The following CTTNBP2 variants were observed in gnomAD, a reference collection of about 807,000 sequenced individuals.
CTTNBP2 encodes cortactin-binding protein 2.
Under a neutral mutation model 156.9 loss-of-function variants are expected in CTTNBP2, and 108 were observed. The observed-to-expected ratio is 0.69, with a 90% CI of 0.59 to 0.81. The LOEUF (loss-of-function observed/expected upper bound fraction) is 0.81, where lower values mean the gene tolerates loss of function less well. Among genes scored for constraint, CTTNBP2 ranks in the 30% least tolerant of loss-of-function variants. The pLI, the probability that CTTNBP2 is intolerant of heterozygous loss-of-function variation, is 0.00. For missense variants in CTTNBP2, 1,924 were observed against 2,035.4 expected (o/e 0.95, Z 1.05); for synonymous variants, 767 against 751.8 (o/e 1.02, Z -0.33).
intron 4 of CTTNBP2, among the ~76,000 whole-genome samples, chr7:117,788,000 G>A (rs1798795841): frequency 6.6e-6 from 1 of 152,054 alleles, no homozygotes; most frequent in Admixed American, 6.5e-5. Context: ...TTTGAGACAT[G>A]GTCTCACCGT....
At chr7:117,795,149 G>A (rs1261546749) in intron 3 of CTTNBP2, among the ~76,000 whole-genome samples, 1 of 111,564 alleles carries the variant, frequency 9.0e-6, no homozygotes, top group African/African-American at 3.5e-5. Flanking sequence ...ACCCGCCTCG[G>A]CCTCCCAAAG....
At chr7:117,740,519 C>T (rs1457815058) in intron 14 of CTTNBP2, among the ~76,000 whole-genome samples, 3 of 152,120 alleles carry the variant, frequency 2.0e-5, no homozygotes, top group South Asian at 2.1e-4. Context: ...ATCAGGAGTA[C>T]GTGTAGAATA....
At chr7:117,856,606 T>G (rs1803336120) in intron 2 of CTTNBP2, among the ~76,000 whole-genome samples, 1 of 152,164 alleles carries the variant, frequency 6.6e-6, no homozygotes, top group Admixed American at 6.5e-5. Flanking sequence ...AAATAATAAT[T>G]TAAAGTCTAG....
intron 2 of CTTNBP2, among the ~76,000 whole-genome samples, chr7:117,839,257 A>G (rs1802137822): frequency 6.6e-6 from 1 of 152,192 alleles, no homozygotes; most frequent in Non-Finnish European, 1.5e-5. Flanking sequence ...TTATATATGT[A>G]GTCTCATTGA....
At chr7:117,863,046 T>G in intron 1 of CTTNBP2, among the ~76,000 whole-genome samples, 1 of 152,302 alleles carries the variant, frequency 6.6e-6, no homozygotes, top group East Asian at 1.9e-4. Context: ...CACAAAAGTA[T>G]ACATAGCAAA....
intron 9 of CTTNBP2, 50 bp downstream of exon 9, chr7:117,767,009 C>T: frequency 6.9e-6 from 7 of 1,013,904 alleles, no homozygotes; most frequent in Non-Finnish European, 1.1e-5. Context: ...GTACCAGAGG[C>T]CCCAGCAGCA....
intron 8 of CTTNBP2, among the ~76,000 whole-genome samples, chr7:117,772,681 G>A (rs1351530561): frequency 6.6e-6 from 1 of 152,196 alleles, no homozygotes; most frequent in Non-Finnish European, 1.5e-5. Context: ...CACCTGCCTA[G>A]ACAGACTCAG....
Position 117,756,536 on chromosome 7 carries a change from C to T in CTTNBP2, c.3348+19G>A, listed in dbSNP as rs1796893525. On this transcript the variant is annotated intron_variant, in intron 12 of 22. Transcript: ENST00000160373. ...CAGGGATGGAAAACACAGGTCTCCA[C>T]CCAGCAGTGTCCACCTACCAGCCTG... The T allele has an allele frequency of 6.3e-7, 1 of 1,592,748 alleles. No individual in the cohort carries two copies. The highest frequency in any genetic ancestry group is 8.6e-7 in the Non-Finnish European group (1 of 1,160,682).
In CTTNBP2 at chr7:117,873,386, G is replaced by A. The variant is rs761555549; in HGVS notation, c.30C>T (p.Pro10=). The A allele has an allele frequency of 1.3e-6, 2 of 1,488,646 alleles. No homozygotes were observed. Among genetic ancestry groups the A allele is most frequent in the South Asian group, 2.6e-5 (2 of 77,692 alleles). The allele number at this position is 1,488,646 out of a possible 1,614,324, so 92.2% of individuals were successfully genotyped here. A position where few individuals can be genotyped will look rare whatever the true frequency, so the allele number is the denominator to read the frequency against. MATDGASCE[P]DLSRAPEDAA... is the part of the protein sequence containing the mutation. ...CGTCCTCCGGGGCCCGGGACAAGTC[G>A]GGCTCGCAGCTCGCGCCGTCCGTCG... is the stretch of plus-strand genomic sequence containing the variant. The change falls in exon 1 of 23, where the codon CCC becomes CCT. Residue 10 remains proline, a synonymous_variant. Coordinates refer to ENST00000160373, the MANE Select transcript of CTTNBP2 (RefSeq NM_033427.3).
In CTTNBP2 at chr7:117,724,604, T is replaced by C. The variant is rs1271638498; in HGVS notation, c.4390A>G (p.Arg1464Gly). Residue 1464 changes from arginine (R) to glycine (G), a missense_variant, in exon 19 of 23, where the codon AGG becomes GGG. Transcript: ENST00000160373. The part of the protein sequence containing the change: ...AWRKVNTSPR[R>G]KSGRFSLPTW... ...GGTAAAGAGAAGCGGCCAGACTTCC[T>C]GCGAGGACTGGTGTTCACCTTTCTC... 1.2e-6 allele frequency: 2 copies of C among 1,614,048 alleles called. No individual in the cohort carries two copies. Among genetic ancestry groups the C allele is most frequent in the African/African-American group, 1.3e-5 (1 of 74,938 alleles).
In CTTNBP2 at chr7:117,724,686, TA is replaced by T; in HGVS notation, c.4307del (p.Leu1436TyrfsTer3). ...TADFKGGSFP[L>X]SIVSSYNTCN... ...AAGTGTTATAACTGGAAACTATGGA[TA>T]AAGGGAAACTTCCTCCTTTGAAATC... is the stretch of plus-strand genomic sequence containing the variant. On this transcript the variant is annotated frameshift_variant, in exon 19 of 23. Coordinates refer to ENST00000160373, the MANE Select transcript of CTTNBP2 (RefSeq NM_033427.3). LOFTEE classifies it high-confidence loss of function. 2 of 1,614,224 alleles carry T rather than the reference TA, an allele frequency of 1.2e-6. No individual in the cohort carries two copies. Among genetic ancestry groups the T allele is most frequent in the Non-Finnish European group, 1.7e-6 (2 of 1,180,032 alleles).
chr7:117,711,912 A>G (rs1794081867), intron 22 of CTTNBP2, 130 bp from the exon 23 acceptor site: 2 of 837,714 alleles, frequency 2.4e-6, no homozygotes, highest in Middle Eastern at 2.4e-4. Flanking sequence ...AAAAATCAAA[A>G]GAAAATGGAG....
intron 2 of CTTNBP2, among the ~76,000 whole-genome samples, chr7:117,822,294 G>A (rs1041697300): frequency 4.0e-5 from 6 of 151,804 alleles, no homozygotes; most frequent in African/African-American, 1.5e-4. Context: ...TTCTAGCTAG[G>A]AGTATTTCAA....
chr7:117,789,536 A>G (rs1203160546), intron 4 of CTTNBP2, among the ~76,000 whole-genome samples: 1 of 152,196 alleles, frequency 6.6e-6, no homozygotes, highest in Non-Finnish European at 1.5e-5. Flanking sequence ...AACAGCCAAA[A>G]TTATTTTAGG....
chr7:117,834,088 A>G (rs1302156576), intron 2 of CTTNBP2, among the ~76,000 whole-genome samples: 15 of 146,052 alleles, frequency 1.0e-4, no homozygotes, highest in Admixed American at 7.7e-4. Context: ...GTTTTACTCC[A>G]TTGCTGCCCA....
At chr7:117,783,677 G>A (rs941431884) in intron 5 of CTTNBP2, among the ~76,000 whole-genome samples, 92 of 152,284 alleles carry the variant, frequency 6.0e-4, no homozygotes, top group African/African-American at 2.1e-3. Flanking sequence ...GCTTCCATAT[G>A]CAACGCTATC....
At chr7:117,832,370 C>T (rs952385411) in intron 2 of CTTNBP2, among the ~76,000 whole-genome samples, 1 of 152,172 alleles carries the variant, frequency 6.6e-6, no homozygotes, top group Non-Finnish European at 1.5e-5. Flanking sequence ...TTCAGTCAAC[C>T]TTCCTCTCTG....
chr7:117,839,887 T>C (rs1012719737), intron 2 of CTTNBP2, among the ~76,000 whole-genome samples: 2 of 152,176 alleles, frequency 1.3e-5, no homozygotes, highest in African/African-American at 4.8e-5. Flanking sequence ...ACTATAACTC[T>C]CCCTACTAAT....
chr7:117,768,707 A>G (rs1240910265), intron 8 of CTTNBP2, among the ~76,000 whole-genome samples: 1 of 152,140 alleles, frequency 6.6e-6, no homozygotes, highest in East Asian at 1.9e-4. Flanking sequence ...CATCTCAACA[A>G]TTAACTCCTC....
Sources: gnomAD v4.1 joint callset for allele counts (sites outside exome capture counted in the v4.1 genomes callset) on GRCh38, gnomAD v4.1.1 for gene constraint, MANE v1.5 for transcripts, NCBI Gene and HGNC (gene_info 2026-07-23, HGNC 2026-07-21) for gene names.